Variants in PALB2 observed in about 807,000 individuals in gnomAD.
PALB2 encodes the protein partner and localizer of BRCA2, also known as mutant partner and localizer of BRCA2.
A neutral mutation model predicts 107.4 loss-of-function variants in PALB2; 82 were observed. That is an observed-to-expected ratio of 0.76 (90% CI 0.64 to 0.92). The LOEUF is 0.92. Ranked by LOEUF, PALB2 falls within the 40% of genes least tolerant of loss-of-function variation. The probability of loss-of-function intolerance (pLI) is 0.00; values close to 1 mark genes in which losing one functional copy is unlikely to be tolerated. For missense variants in PALB2, 1,374 were observed against 1,379.9 expected, an observed-to-expected ratio of 1.00 and a Z score of 0.07; for synonymous variants, 489 against 496.8, an observed-to-expected ratio of 0.98 and a Z score of 0.21.
chr16:23,639,961 T>C (rs1351111341), intron 1 of PALB2, among the ~76,000 whole-genome samples: 1 of 151,896 alleles, frequency 6.6e-6, no homozygotes, highest in Admixed American at 6.6e-5. Context: ...GGCAGCTCCC[T>C]GCAACCTCAG....
chr16:23,605,244 TTTTC>T (rs1395700302), intron 12 of PALB2, among the ~76,000 whole-genome samples: 1 of 152,014 alleles, frequency 6.6e-6, no homozygotes, highest in Non-Finnish European at 1.5e-5. Flanking sequence ...CTCCCTAAGG[TTTTC>T]TTTGACAGTC....
chr16:23,640,397 G>T, intron 1 of PALB2: 1 of 201,638 alleles, frequency 5.0e-6, no homozygotes, highest in Non-Finnish European at 1.0e-5. Context: ...CCAGCTACTC[G>T]GGAGGCTGAG....
Position 23,608,801 on chromosome 16 carries a change from T to TACAC in PALB2, c.3202-793_3202-790dup, listed in dbSNP as rs10525601. Among the ~76,000 whole-genome samples, 130 of 143,810 alleles carry TACAC rather than the reference T, an allele frequency of 9.0e-4. 1 individual carries two copies. The highest frequency in any genetic ancestry group is 8.4e-3 in the East Asian group (41 of 4,854). 94.3% of individuals were successfully genotyped at this position (143,810 alleles called of 152,430 possible). On this transcript the variant is annotated intron_variant, in intron 11 of 12. Coordinates refer to ENST00000261584, the MANE Select transcript of PALB2 (RefSeq NM_024675.4). ...ATATTACTGTATGTGTGTATATATA[T>TACAC]ACACACACACACACACACACACATA...
chr16:23,640,834 G>T (rs910871784), intron 1 of PALB2: 1 of 399,558 alleles, frequency 2.5e-6, no homozygotes, highest in African/African-American at 2.0e-5. Flanking sequence ...GGGTGTGGGA[G>T]GGGGGAGGAG....
At position 23,641,267 on chromosome 16, in the gene PALB2, C is replaced by T. The variant is rs1967243566; in HGVS notation, c.-110G>A. ...GGCGCCCCAGGAAGGAATGGGGAGC[C>T]CGGGATCGCACCCTCAGTGCGCGAT... On this transcript the variant is annotated 5_prime_UTR_variant, in exon 1 of 13. Transcript: ENST00000261584. The T allele has an allele frequency of 2.1e-6, 3 of 1,407,278 alleles. No homozygotes were observed. The highest frequency in any genetic ancestry group is 4.0e-5 in the Admixed American group (2 of 49,634). 87.2% of individuals were successfully genotyped at this position (1,407,278 alleles called of 1,614,324 possible). A position where few individuals can be genotyped will look rare whatever the true frequency, so the allele number is the denominator to read the frequency against.
intron 6 of PALB2, among the ~76,000 whole-genome samples, chr16:23,628,246 T>C (rs1414919226): frequency 2.6e-5 from 4 of 152,144 alleles, no homozygotes; most frequent in African/African-American, 9.7e-5. Flanking sequence ...ATAAAATAAG[T>C]TATTAAAATT....
At chr16:23,618,674 T>A (rs79518352) in intron 10 of PALB2, among the ~76,000 whole-genome samples, 1 of 151,820 alleles carries the variant, frequency 6.6e-6, no homozygotes, top group Non-Finnish European at 1.5e-5. Flanking sequence ...AGACATAGTC[T>A]AAAAAAATTT....
intron 12 of PALB2, 52 bp from the exon 13 acceptor site, chr16:23,603,721 T>TAAAA: frequency 8.2e-7 from 1 of 1,225,906 alleles, no homozygotes; most frequent in Non-Finnish European, 1.1e-6. Flanking sequence ...AAAAAACAAT[T>TAAAA]AAAAAAAAAA....
In PALB2 at chr16:23,633,611, C is replaced by T. The variant is rs1966911839; in HGVS notation, c.1684+1251G>A. Among the ~76,000 whole-genome samples the T allele has an allele frequency of 2.0e-5, 3 of 152,172 alleles. No homozygotes were observed. The South Asian group carries it at 6.2e-4, about 32-fold the overall frequency. ...TCCAAAATTCTGTGTCCCTTGGAGG[C>T]CTTAGAGACACTGCATTAGATATTT... On this transcript the variant is annotated intron_variant, in intron 4 of 12. Transcript: ENST00000261584.
At chr16:23,621,557 T>C (rs1474719818) in intron 9 of PALB2, 79 bp from the exon 10 acceptor site, 2 of 868,720 alleles carry the variant, frequency 2.3e-6, no homozygotes, top group East Asian at 2.5e-5. Context: ...ATTGTTGAAC[T>C]GCATAATATA....
At chr16:23,611,788 C>G (rs1966592996) in intron 11 of PALB2, among the ~76,000 whole-genome samples, 1 of 152,056 alleles carries the variant, frequency 6.6e-6, no homozygotes, top group Non-Finnish European at 1.5e-5. Flanking sequence ...GGGTCTCACT[C>G]TATCGCCCAG....
intron 12 of PALB2, among the ~76,000 whole-genome samples, chr16:23,605,544 G>A (rs1159729471): frequency 1.3e-5 from 2 of 152,138 alleles, no homozygotes; most frequent in South Asian, 2.1e-4. Flanking sequence ...CAATAGCTGG[G>A]ATTACTGGTG....
At chr16:23,629,344 T>A in intron 5 of PALB2, 69 bp from the exon 6 acceptor site, 1 of 1,335,330 alleles carries the variant, frequency 7.5e-7, no homozygotes, top group East Asian at 2.3e-5. Flanking sequence ...TACCCACTCA[T>A]CAAAATGTCT....
rs200843485 is a variant in PALB2, at chr16:23,635,713, A to T, written c.833T>A (p.Leu278Gln). The change falls in exon 4 of 13, where the codon CTA becomes CAA. Residue 278 changes from leucine to glutamine, a missense_variant. Leu to Gln is a moderately radical substitution (Grantham distance 113). Transcript: ENST00000261584. ...KGSSELTTHD[L>Q]KNIRFTSPVS... is the part of the protein sequence containing the mutation. ...AGGTGAAGTAAATCTAATGTTTTTT[A>T]GGTCGTGAGTAGTAAGTTCACTGCT... 46 of 1,614,122 alleles carry T rather than the reference A, an allele frequency of 2.8e-5. No homozygotes were observed. Among genetic ancestry groups the T allele is most frequent in the South Asian group, 2.4e-4 (22 of 91,074 alleles).
chr16:23,611,518 G>C (rs1013995245), intron 11 of PALB2, among the ~76,000 whole-genome samples: 4 of 151,652 alleles, frequency 2.6e-5, no homozygotes, highest in African/African-American at 7.3e-5. Context: ...GAGTGCAGTG[G>C]CACACTCTCG....
At chr16:23,612,015 T>C (rs1303605231) in intron 11 of PALB2, among the ~76,000 whole-genome samples, 1 of 152,232 alleles carries the variant, frequency 6.6e-6, no homozygotes, top group African/African-American at 2.4e-5. Flanking sequence ...CCTACTAGGC[T>C]AGGGAAAGAT....
At chr16:23,613,126 T>C (rs1048650759) in intron 11 of PALB2, among the ~76,000 whole-genome samples, 5 of 152,118 alleles carry the variant, frequency 3.3e-5, no homozygotes, top group African/African-American at 1.2e-4. Context: ...GGGGTACCCA[T>C]CACCTCGAGA....
intron 10 of PALB2, among the ~76,000 whole-genome samples, chr16:23,615,175 C>T (rs1966663402): frequency 6.7e-6 from 1 of 148,844 alleles, no homozygotes; most frequent in Non-Finnish European, 1.5e-5. Flanking sequence ...TCTTGAACTC[C>T]TGACCGTAGG....
rs1187500446 is a variant in PALB2 at position 23,635,491 on chromosome 16, T to C, written c.1055A>G (p.Glu352Gly). The change falls in exon 4 of 13, where the codon GAG (glutamate) becomes GGG (glycine). Residue 352 changes from glutamate to glycine, a missense_variant. Glu to Gly is a moderately conservative substitution (Grantham distance 98). Coordinates refer to ENST00000261584, the MANE Select transcript of PALB2 (RefSeq NM_024675.4). ...NQNLKEQNQTEKSLKSPSDTL... is the reference protein window; with the variant it reads ...NQNLKEQNQTGKSLKSPSDTL... ...GTCACTGGGAGATTTTAAAGATTTC[T>C]CTGTTTGATTTTGTTCTTTTAAGTT... 1 of 1,614,140 alleles carries C rather than the reference T, an allele frequency of 6.2e-7. No homozygotes were observed. The highest frequency in any genetic ancestry group is 2.2e-5 in the East Asian group (1 of 44,890).
Sources: allele counts gnomAD v4.1 joint callset (sites outside exome capture counted in the v4.1 genomes callset), GRCh38; gene constraint gnomAD v4.1.1; transcripts MANE v1.5; gene names NCBI Gene and HGNC (gene_info 2026-07-23, HGNC 2026-07-21).